The following LARP1 variants were observed in gnomAD, a reference collection of about 807,000 sequenced individuals.
LARP1 encodes the protein La ribonucleoprotein 1, translational regulator, also known as la-related protein 1.
LARP1 carries 36 observed loss-of-function variants against 122.7 expected under a neutral mutation model. That is an observed-to-expected ratio of 0.29 (90% CI 0.22 to 0.39). LARP1 has a LOEUF of 0.39. Among genes scored for constraint, LARP1 ranks in the 10% least tolerant of loss-of-function variants. The pLI, the probability that LARP1 is intolerant of heterozygous loss-of-function variation, is 1.00. For synonymous variants in LARP1, 539 were observed against 528.7 expected (o/e 1.02, Z -0.27); for missense variants, 1,040 against 1,403.6 (o/e 0.74, Z 4.14).
chr5:154,734,112 A>T (rs1756745551), intron 1 of LARP1, among the ~76,000 whole-genome samples: 1 of 151,820 alleles, frequency 6.6e-6, no homozygotes. Context: ...GGTTGCAGTG[A>T]GCCGAGATCA....
intron 10 of LARP1, among the ~76,000 whole-genome samples, chr5:154,801,574 A>G (rs1758357759): frequency 6.6e-6 from 1 of 152,200 alleles, no homozygotes; most frequent in Non-Finnish European, 1.5e-5. Context: ...CCGTCTAGGT[A>G]CTGAGTATAT....
At chr5:154,761,939 G>A (rs1031759310) in intron 1 of LARP1, among the ~76,000 whole-genome samples, 1 of 152,088 alleles carries the variant, frequency 6.6e-6, no homozygotes, top group Non-Finnish European at 1.5e-5. Flanking sequence ...GGGCAGTACA[G>A]TTCATGAATT....
chr5:154,812,887 A>G (rs1759400195), intron 18 of LARP1, among the ~76,000 whole-genome samples: 1 of 152,104 alleles, frequency 6.6e-6, no homozygotes, highest in South Asian at 2.1e-4. Flanking sequence ...GATGGGGGAA[A>G]CTGCCCCCAT....
At chr5:154,763,532 A>G (rs1316374902) in intron 1 of LARP1, among the ~76,000 whole-genome samples, 1 of 151,078 alleles carries the variant, frequency 6.6e-6, no homozygotes, top group African/African-American at 2.4e-5. Flanking sequence ...TAATCCCAGC[A>G]CTTTGGGAGA....
chr5:154,744,615 A>C (rs1753080302), intron 1 of LARP1, among the ~76,000 whole-genome samples: 1 of 110,458 alleles, frequency 9.1e-6, no homozygotes, highest in African/African-American at 3.5e-5. Context: ...TTGGATATGC[A>C]ATTTTTTTTT....
chr5:154,774,640 A>G (rs908750470), intron 1 of LARP1, among the ~76,000 whole-genome samples: 2 of 152,024 alleles, frequency 1.3e-5, no homozygotes, highest in Non-Finnish European at 2.9e-5. Context: ...AAAGGTCCCT[A>G]TTGGCTGTTG....
chr5:154,795,054 A>G (rs1319496291), intron 7 of LARP1, 121 bp from the exon 8 acceptor site: 2 of 896,894 alleles, frequency 2.2e-6, no homozygotes, highest in Non-Finnish European at 1.8e-6. Flanking sequence ...TATATAGGAT[A>G]AGGATGGGGT....
At chr5:154,784,195 C>G (rs1210670277) in intron 1 of LARP1, among the ~76,000 whole-genome samples, 1 of 152,224 alleles carries the variant, frequency 6.6e-6, no homozygotes, top group Admixed American at 6.5e-5. Flanking sequence ...CAAGTGTCTG[C>G]TGTGTTGCCA....
rs35003168 is a variant in LARP1, at chr5:154,705,117, C to CAA, written c.-180+22096_-180+22097dup. Among the ~76,000 whole-genome samples, 978 of 106,882 alleles carry CAA rather than the reference C, an allele frequency of 9.2e-3. 9 individuals are homozygous for CAA. The highest frequency in any genetic ancestry group is 0.012 in the Non-Finnish European group (660 of 55,064). The allele number at this position is 106,882 out of a possible 152,430, so 70.1% of individuals were successfully genotyped here. A position where few individuals can be genotyped will look rare whatever the true frequency, so the allele number is the denominator to read the frequency against. On this transcript the variant is annotated intron_variant, in intron 1 of 18. Transcript: ENST00000687700. ...TGGGCGACAGATCAAGACTCCGTCT[C>CAA]AAAAAAAAAAAAAAAAAGGCAAAGG... is the stretch of plus-strand genomic sequence containing the variant.
At chr5:154,714,135 T>G (rs10476809) in intron 1 of LARP1, among the ~76,000 whole-genome samples, 14,480 of 152,236 alleles carry the variant, frequency 0.095, 819 homozygotes, top group South Asian at 0.2. Context: ...ATTGTTCTTA[T>G]GACCAAACAA....
chr5:154,684,734 A>C (rs1024480968), intron 1 of LARP1, among the ~76,000 whole-genome samples: 8 of 152,060 alleles, frequency 5.3e-5, no homozygotes, highest in African/African-American at 1.9e-4. Context: ...CTGTGCCTCC[A>C]TTTTTTCATC....
chr5:154,752,988 G>A (rs1377240327), upstream of LARP1, among the ~76,000 whole-genome samples: 1 of 151,906 alleles, frequency 6.6e-6, no homozygotes, highest in Admixed American at 6.6e-5. Context: ...GCCCTAGTTT[G>A]TCTCTCTCTG....
At chr5:154,792,473 G>C in intron 3 of LARP1, 149 bp from the exon 4 acceptor site, 1 of 697,602 alleles carries the variant, frequency 1.4e-6, no homozygotes, top group East Asian at 2.5e-5. Context: ...AACCATCTCA[G>C]GTGTGAAAAT....
chr5:154,690,313 G>C (rs1054727248), intron 1 of LARP1, among the ~76,000 whole-genome samples: 1 of 152,110 alleles, frequency 6.6e-6, no homozygotes, highest in Non-Finnish European at 1.5e-5. Flanking sequence ...ATGTAGGATC[G>C]AGAAAAGGTT....
intron 1 of LARP1, among the ~76,000 whole-genome samples, chr5:154,689,657 A>G (rs1754100244): frequency 6.6e-6 from 1 of 152,040 alleles, no homozygotes; most frequent in East Asian, 1.9e-4. Flanking sequence ...AAAAGAAAAA[A>G]CATTTTGCCT....
At chr5:154,736,641 C>G (rs1756921313) in intron 1 of LARP1, among the ~76,000 whole-genome samples, 1 of 151,878 alleles carries the variant, frequency 6.6e-6, no homozygotes, top group Admixed American at 6.6e-5. Flanking sequence ...TCTTGCCTCA[C>G]TGCAACCTCT....
Position 154,756,095 on chromosome 5 carries a change from G to A in LARP1, c.338G>A (p.Arg113His), listed in dbSNP as rs1387167373. 2 of 1,189,602 alleles carry A rather than the reference G, an allele frequency of 1.7e-6. No individual in the cohort carries two copies. The highest frequency in any genetic ancestry group is 2.1e-6 in the Non-Finnish European group (2 of 939,596). 73.7% of individuals were successfully genotyped at this position (1,189,602 alleles called of 1,614,324 possible). ...GGAAGAAGAG[R>H]RDFVEAPPPK... ...GCTGCCGGAGCCGCGGGCGCGGGGC[G>A]CCGGGACTTCGTGGAAGCCCCCCCG... Residue 113 changes from arginine (R) to histidine (H), a missense_variant, in exon 1 of 19, where the codon CGC becomes CAC. This residue lies in a region of LARP1 where 257 missense variants were observed against 273.3 expected (regional missense o/e 0.94). Transcript: ENST00000518297.
chr5:154,709,056 A>G (rs990573884), upstream of LARP1, among the ~76,000 whole-genome samples: 1 of 152,230 alleles, frequency 6.6e-6, no homozygotes, highest in East Asian at 1.9e-4. Flanking sequence ...ATTGTGTCTC[A>G]ATATCCTCTG....
Position 154,802,331 on chromosome 5 carries a change from G to T in LARP1, c.2041G>T (p.Asp681Tyr). ...CGCCGAACTGGCCAAGGTCATTAATGATGGCCTCTTCTACTATGAGCAGGA... is the reference window on the plus strand; with the variant it reads ...CGCCGAACTGGCCAAGGTCATTAATTATGGCCTCTTCTACTATGAGCAGGA... ...MSAELAKVIN[D>Y]GLFYYEQDLW... is the part of the protein sequence containing the mutation. Residue 681 changes from aspartate to tyrosine, a missense_variant, in exon 11 of 19, where the codon GAT becomes TAT. Coordinates refer to ENST00000518297, the MANE Select transcript of LARP1 (RefSeq NM_033551.3). This position sits in a 1 kb window ranked among gnomAD's most constrained non-coding sequence, Gnocchi z 5.1. The T allele has an allele frequency of 1.2e-6, 2 of 1,614,166 alleles. No homozygotes were observed. The highest frequency in any genetic ancestry group is 1.7e-6 in the Non-Finnish European group (2 of 1,180,012).
Sources: gnomAD v4.1 joint callset for allele counts (sites outside exome capture counted in the v4.1 genomes callset) on GRCh38, gnomAD v4.1.1 for gene constraint, gnomAD v4.1.1 regional missense constraint, Gnocchi (gnomAD v3.1) non-coding constraint, MANE v1.5 for transcripts, NCBI Gene and HGNC (gene_info 2026-07-23, HGNC 2026-07-21) for gene names.